CPXM2: variants seen among roughly 807,000 people sequenced by gnomAD.
The protein encoded by CPXM2 is inactive carboxypeptidase-like protein X2.
Under a neutral mutation model 86.1 loss-of-function variants are expected in CPXM2, and 66 were observed. The observed-to-expected ratio is 0.77, with a 90% confidence interval of 0.63 to 0.94. CPXM2 has a LOEUF of 0.94. CPXM2 is among the 40% of genes least tolerant of loss of function. CPXM2 has a pLI of 0.00. For synonymous variants in CPXM2, 388 were observed against 400.2 expected (o/e 0.97, Z 0.36); for missense variants, 948 against 1,026.3 (o/e 0.92, Z 1.04).
At position 123,939,716 on chromosome 10, in the gene CPXM2, T is replaced by A. The variant is rs114127308; in HGVS notation, n.120-185A>T. Among the ~76,000 whole-genome samples, 1,487 of 152,144 alleles carry A rather than the reference T, an allele frequency of 9.8e-3. 26 individuals carry two copies. Among genetic ancestry groups the A allele is most frequent in the African/African-American group, 0.034 (1,405 of 41,478 alleles). On this transcript the variant is annotated intron_variant and non_coding_transcript_variant, in intron 1 of 19. Transcript: ENST00000368854. The stretch of plus-strand genomic sequence containing the variant: ...AGGAGAGGCTGTCTGGATGTGACTT[T>A]ATCAGGCCAGACAGGTAGACGCATG...
chr10:123,788,878 GAA>G (rs11461379), intron 6 of CPXM2, among the ~76,000 whole-genome samples: 22 of 138,846 alleles, frequency 1.6e-4, no homozygotes, highest in South Asian at 2.3e-4. Flanking sequence ...CACCTTGATT[GAA>G]AAAAAAAAAA....
At chr10:123,915,291 C>T (rs1277586796) in intron 2 of CPXM2, among the ~76,000 whole-genome samples, 1 of 152,224 alleles carries the variant, frequency 6.6e-6, no homozygotes, top group Non-Finnish European at 1.5e-5. Context: ...GGTGCGGTGG[C>T]TCATAGCTGT....
At position 123,746,973 on chromosome 10, in the gene CPXM2, C is replaced by T. The variant is rs1323428914; in HGVS notation, c.2062G>A (p.Val688Met). 4 of 1,614,196 alleles carry T rather than the reference C, an allele frequency of 2.5e-6. No individual in the cohort carries two copies. The highest frequency in any genetic ancestry group is 2.2e-5 in the East Asian group (1 of 44,880). The change falls in exon 14 of 14, where the codon GTG becomes ATG. Residue 688 changes from valine to methionine, a missense_variant. By Grantham distance (21) the Val-to-Met change is conservative (BLOSUM62 1). Transcript: ENST00000241305. ...AAACCTTCGGCCTTTGCTGTGACCA[C>T]ATACTCTCCAGGGTTCAGGAGGCGC... Reference protein sequence around the residue: ...YWRLLNPGEYVVTAKAEGFTA... With the variant: ...YWRLLNPGEYMVTAKAEGFTA...
chr10:123,751,597 G>C (rs1459452718), intron 13 of CPXM2: 55 of 985,148 alleles, frequency 5.6e-5, no homozygotes, highest in Non-Finnish European at 6.6e-5. Context: ...CGGTGAGCCG[G>C]GTGTCTGTCC....
intron 4 of CPXM2, among the ~76,000 whole-genome samples, chr10:123,830,920 CTCTT>C (rs1848154969): frequency 6.9e-6 from 1 of 145,448 alleles, no homozygotes; most frequent in Non-Finnish European, 1.5e-5. Context: ...CTTTCTCTCT[CTCTT>C]TCTTTGCTGG....
At chr10:123,794,123 G>T (rs1424935788) in intron 6 of CPXM2, among the ~76,000 whole-genome samples, 1 of 152,246 alleles carries the variant, frequency 6.6e-6, no homozygotes, top group Non-Finnish European at 1.5e-5. Context: ...CCCAGGCACT[G>T]CCTTTTGGCG....
At chr10:123,775,973 A>AT (rs988214685) in intron 7 of CPXM2, among the ~76,000 whole-genome samples, 75 of 151,772 alleles carry the variant, frequency 4.9e-4, no homozygotes, top group African/African-American at 1.5e-3. Flanking sequence ...GGGGTCAAAG[A>AT]TTTTTTTTTG....
At chr10:123,879,584 T>C (rs1021040469) in intron 2 of CPXM2, among the ~76,000 whole-genome samples, 3 of 152,212 alleles carry the variant, frequency 2.0e-5, no homozygotes, top group Non-Finnish European at 4.4e-5. Context: ...TTATTACTAA[T>C]ACTAATTTTA....
intron 2 of CPXM2, among the ~76,000 whole-genome samples, chr10:123,875,184 G>C (rs570154757): frequency 6.6e-6 from 1 of 152,296 alleles, no homozygotes; most frequent in East Asian, 1.9e-4. Context: ...ACATTGTAAA[G>C]GAATGCTATA....
intron 4 of CPXM2, among the ~76,000 whole-genome samples, chr10:123,841,632 G>C (rs2176488): frequency 0.3 from 45,578 of 152,072 alleles, 7,887 homozygotes; most frequent in African/African-American, 0.47. Context: ...CTGGTGTATT[G>C]CACTCAGCAG....
intron 3 of CPXM2, among the ~76,000 whole-genome samples, chr10:123,848,296 T>A (rs1253321768): frequency 1.3e-5 from 2 of 152,196 alleles, no homozygotes; most frequent in Non-Finnish European, 2.9e-5. Context: ...CCAGGTGCAA[T>A]CTGCTGATCC....
At chr10:123,873,184 G>A (rs769153559) in intron 2 of CPXM2, among the ~76,000 whole-genome samples, 3 of 146,820 alleles carry the variant, frequency 2.0e-5, no homozygotes, top group Non-Finnish European at 4.5e-5. Context: ...ATTAACAAGA[G>A]TTTAGCAAGA....
upstream of CPXM2, among the ~76,000 whole-genome samples, chr10:123,943,896 G>A (rs1003952976): frequency 6.6e-6 from 1 of 150,644 alleles, no homozygotes; most frequent in African/African-American, 2.4e-5. Context: ...TGTGTAGTGG[G>A]TAGCTCTGAG....
chr10:123,787,666 C>T (rs901890790), intron 6 of CPXM2, among the ~76,000 whole-genome samples: 3 of 152,174 alleles, frequency 2.0e-5, no homozygotes, highest in African/African-American at 7.2e-5. Context: ...TTGGGCTGCT[C>T]TGCTTGCTGT....
At chr10:123,875,547 T>C (rs1414409591) in intron 2 of CPXM2, among the ~76,000 whole-genome samples, 5 of 152,164 alleles carry the variant, frequency 3.3e-5, no homozygotes, top group Non-Finnish European at 5.9e-5. Context: ...GGTTATGCAA[T>C]GAAGAGAAGA....
chr10:123,783,890 C>A (rs1280063383), intron 6 of CPXM2, among the ~76,000 whole-genome samples: 3 of 152,172 alleles, frequency 2.0e-5, no homozygotes, highest in African/African-American at 7.2e-5. Flanking sequence ...TCTGCAACAC[C>A]TTAGTTATGT....
At chr10:123,893,202 C>T (rs1003760981), upstream of CPXM2, among the ~76,000 whole-genome samples, 3 of 152,168 alleles carry the variant, frequency 2.0e-5, no homozygotes, top group African/African-American at 4.8e-5. Context: ...CAGGGACAGA[C>T]TGACCCTCAA....
chr10:123,826,193 T>C (rs1848042434), intron 4 of CPXM2, among the ~76,000 whole-genome samples: 1 of 152,164 alleles, frequency 6.6e-6, no homozygotes, highest in African/African-American at 2.4e-5. Flanking sequence ...ACACAGAAAG[T>C]GGCAAACTTC....
chr10:123,762,253 A>C, intron 10 of CPXM2, 84 bp from the exon 11 acceptor site: 2 of 1,576,706 alleles, frequency 1.3e-6, no homozygotes, highest in South Asian at 2.2e-5. Context: ...TAGTCGAAAA[A>C]GCAGTGCTTT....
Sources: gnomAD v4.1 joint callset for allele counts (sites outside exome capture counted in the v4.1 genomes callset) on GRCh38, gnomAD v4.1.1 for gene constraint, MANE v1.5 for transcripts, NCBI Gene and HGNC (gene_info 2026-07-23, HGNC 2026-07-21) for gene names.